The following NDEL1 variants were observed in gnomAD, a reference collection of about 807,000 sequenced individuals.
NDEL1 encodes nudE neurodevelopment protein 1 like 1.
Under a neutral mutation model 45.7 loss-of-function variants are expected in NDEL1, and 9 were observed. The ratio of observed to expected loss-of-function variants is 0.20; its 90% CI spans 0.12 to 0.34. The LOEUF is 0.34. NDEL1 is among the 10% of genes least tolerant of loss of function. The probability of loss-of-function intolerance (pLI) is 1.00; values close to 1 mark genes in which losing one functional copy is unlikely to be tolerated. For missense variants in NDEL1, 306 were observed against 406.2 expected (o/e 0.75, Z 2.12); for synonymous variants, 133 against 158.6 (o/e 0.84, Z 1.21).
chr17:8,448,553 A>G lies in NDEL1; in HGVS notation c.393A>G (p.Ala131=). Residue 131 remains alanine (A), a synonymous_variant, in exon 5 of 9, where the codon GCA becomes GCG. Transcript: ENST00000334527. The part of the protein sequence containing the change: ...ANDDLERAKR[A]TIVSLEDFEQ... ...GTACTCTAATTTTTCTTTTTAGGGC[A>G]ACAATAGTTTCACTGGAAGACTTTG... The G allele has an allele frequency of 1.2e-6, 2 of 1,611,434 alleles. No individual in the cohort carries two copies. The highest frequency in any genetic ancestry group is 1.1e-5 in the South Asian group (1 of 90,978).
At chr17:8,468,323 G>A (rs1021408015), downstream of NDEL1, among the ~76,000 whole-genome samples, 3 of 152,194 alleles carry the variant, frequency 2.0e-5, no homozygotes, top group African/African-American at 7.2e-5. Flanking sequence ...CGGAGCAGGC[G>A]TCCTCATGCT....
chr17:8,422,045 T>C (rs1361759224), intron 1 of NDEL1, among the ~76,000 whole-genome samples: 2 of 152,160 alleles, frequency 1.3e-5, no homozygotes, highest in Non-Finnish European at 2.9e-5. Flanking sequence ...CCAAGGTGAA[T>C]AACATGAGGC....
intron 7 of NDEL1, among the ~76,000 whole-genome samples, chr17:8,458,712 G>A (rs1317167484): frequency 6.6e-6 from 1 of 152,026 alleles, no homozygotes; most frequent in Non-Finnish European, 1.5e-5. Context: ...GAAGAAAAAA[G>A]TTTGTCTGTT....
chr17:8,426,667 G>A (rs560282405), intron 1 of NDEL1, among the ~76,000 whole-genome samples: 2 of 152,280 alleles, frequency 1.3e-5, no homozygotes, highest in South Asian at 4.1e-4. Flanking sequence ...AAACCGTGAG[G>A]TTCCAGATCA....
intron 7 of NDEL1, among the ~76,000 whole-genome samples, chr17:8,455,964 C>T (rs1485296179): frequency 6.6e-6 from 1 of 152,168 alleles, no homozygotes; most frequent in Non-Finnish European, 1.5e-5. Flanking sequence ...GGATTTATGC[C>T]ACTATCAAGT....
chr17:8,415,433 T>C (rs1300437917), intron 1 of NDEL1, among the ~76,000 whole-genome samples: 1 of 151,316 alleles, frequency 6.6e-6, no homozygotes, highest in Non-Finnish European at 1.5e-5. Context: ...TTAACATTTA[T>C]TTATTTATTT....
chr17:8,463,310 CTTTTA>C (rs772593744), intron 8 of NDEL1: 10 of 1,609,360 alleles, frequency 6.2e-6, no homozygotes, highest in South Asian at 2.2e-5. Flanking sequence ...GTTCTCCTTT[CTTTTA>C]TTAGGCAAGA....
At position 8,454,830 on chromosome 17, in the gene NDEL1, T is replaced by C; in HGVS notation, c.735T>C (p.Thr245=). The C allele has an allele frequency of 6.2e-7, 1 of 1,613,988 alleles. No individual in the cohort carries two copies. ...IPNGFGTSPL[T]PSARISALNI... ...ATGGTTTTGGTACCAGTCCACTAAC[T>C]CCCTCTGCTAGGATATCAGCACTAA... Residue 245 remains threonine, a synonymous_variant, in exon 7 of 9, where the codon ACT becomes ACC. Coordinates refer to ENST00000334527, the MANE Select transcript of NDEL1 (RefSeq NM_030808.5).
intron 2 of NDEL1, chr17:8,444,964 G>A (rs1909987955): frequency 6.6e-6 from 1 of 152,146 alleles, no homozygotes; most frequent in Admixed American, 6.5e-5. Context: ...AGTTTACTAA[G>A]TCTTATCAAA....
intron 7 of NDEL1, 118 bp downstream of exon 7, chr17:8,455,005 C>G: frequency 1.0e-6 from 1 of 979,618 alleles, no homozygotes; most frequent in South Asian, 1.4e-5. Flanking sequence ...TGTCATGAAG[C>G]TCAGAAGCAA....
At chr17:8,447,886 C>T (rs1910184176) in intron 4 of NDEL1, among the ~76,000 whole-genome samples, 1 of 144,496 alleles carries the variant, frequency 6.9e-6, no homozygotes, top group South Asian at 2.2e-4. Context: ...CAGATATGTA[C>T]ATTCACTATG....
intron 8 of NDEL1, 67 bp from the exon 9 acceptor site, chr17:8,466,863 G>GT: frequency 7.0e-7 from 1 of 1,433,178 alleles, no homozygotes; most frequent in South Asian, 1.2e-5. Context: ...CCTATTGTGT[G>GT]TGAGTGATTT....
chr17:8,473,274 C>T (rs914848564), intron 3 of NDEL1, among the ~76,000 whole-genome samples: 2 of 151,128 alleles, frequency 1.3e-5, no homozygotes, highest in African/African-American at 4.9e-5. Flanking sequence ...GCAGCCTCCA[C>T]CTCCCAGGTT....
intron 1 of NDEL1, among the ~76,000 whole-genome samples, chr17:8,417,536 T>A (rs540261343): frequency 3.2e-4 from 49 of 152,342 alleles, no homozygotes; most frequent in South Asian, 6.2e-4. Flanking sequence ...TTGAAGGGTG[T>A]TTGGGTCTGT....
intron 6 of NDEL1, among the ~76,000 whole-genome samples, chr17:8,451,253 T>A (rs994160718): frequency 6.6e-6 from 1 of 152,212 alleles, no homozygotes; most frequent in Non-Finnish European, 1.5e-5. Flanking sequence ...TAGAAAATTT[T>A]AAAAACACAG....
rs201780275 is a variant in NDEL1, at chr17:8,446,938, A to G, written c.389+36A>G. 53 of 1,596,364 alleles carry G rather than the reference A, an allele frequency of 3.3e-5. No homozygotes were observed. In the African/African-American group the frequency reaches 6.6e-4, roughly 20 times the overall value. On this transcript the variant is annotated intron_variant, in intron 4 of 8. Coordinates refer to ENST00000334527, the MANE Select transcript of NDEL1 (RefSeq NM_030808.5). ...GACTGCATTTTGTTAGAAAAAAACC[A>G]CCTTGGTAATTAGTGATTAAAATCT...
intron 7 of NDEL1, among the ~76,000 whole-genome samples, chr17:8,456,004 A>G (rs769914962): frequency 1.3e-5 from 2 of 152,222 alleles, no homozygotes; most frequent in South Asian, 2.1e-4. Context: ...TCCCATTACT[A>G]TTTCCCTTAG....
At chr17:8,440,594 A>G (rs1292836546) in intron 1 of NDEL1, among the ~76,000 whole-genome samples, 2 of 152,206 alleles carry the variant, frequency 1.3e-5, no homozygotes, top group East Asian at 3.8e-4. Context: ...AAGTAGTTGG[A>G]CAAAGAGGAT....
At chr17:8,421,908 T>TG in intron 1 of NDEL1, among the ~76,000 whole-genome samples, 1 of 152,038 alleles carries the variant, frequency 6.6e-6, no homozygotes, top group Non-Finnish European at 1.5e-5. Context: ...GATGTCAGGG[T>TG]GGGTCCTGAC....
Sources: gnomAD v4.1 joint callset for allele counts (sites outside exome capture counted in the v4.1 genomes callset) on GRCh38, gnomAD v4.1.1 for gene constraint, MANE v1.5 for transcripts, NCBI Gene and HGNC (gene_info 2026-07-23, HGNC 2026-07-21) for gene names.